Variants in ZNF570 observed in about 807,000 individuals in gnomAD.
ZNF570 encodes the protein zinc finger protein 570.
A neutral mutation model predicts 14.2 loss-of-function variants in ZNF570; 8 were observed. The observed-to-expected ratio is 0.56, with a 90% CI of 0.33 to 1.02. The LOEUF is 1.02. Ranked by LOEUF, ZNF570 falls within the 50% of genes least tolerant of loss-of-function variation. The pLI, the probability that ZNF570 is intolerant of heterozygous loss-of-function variation, is 0.03. For missense variants in ZNF570, 559 were observed against 624.9 expected (o/e 0.89, Z 1.12); for synonymous variants, 202 against 207.6 (o/e 0.97, Z 0.23).
At chr19:37,470,128 G>A (rs1293545702) in intron 1 of ZNF570, 176 bp from the exon 2 acceptor site, 7 of 549,488 alleles carry the variant, frequency 1.3e-5, no homozygotes, top group African/African-American at 3.8e-5. Context: ...AAGGAATTGG[G>A]AAATGATTTA....
Position 37,483,879 on chromosome 19 carries a change from G to T in ZNF570, c.257G>T (p.Gly86Val). 2.5e-6 allele frequency: 4 copies of T among 1,587,874 alleles called. No individual in the cohort carries two copies. The highest frequency in any genetic ancestry group is 3.4e-6 in the Non-Finnish European group (4 of 1,170,298). ...ATTTTTTCTTATTATTACTTTTCAG[G>T]CTGGGAGCCTATATGTGAGACTGAA... Reference protein sequence around the residue: ...KRELTKGLCSGWEPICETEEL... With the variant: ...KRELTKGLCSVWEPICETEEL... The change falls in exon 5 of 5, where the codon GGC (glycine) becomes GTC (valine). Residue 86 changes from glycine to valine, a missense_variant and splice_region_variant. By Grantham distance (109) the Gly-to-Val change is moderately radical (BLOSUM62 -3). Transcript: ENST00000330173.
chr19:37,469,386 C>G lies in ZNF570; in HGVS notation c.-223C>G. 1 of 1,483,046 alleles carries G rather than the reference C, an allele frequency of 6.7e-7. No homozygotes were observed. Among genetic ancestry groups the G allele is most frequent in the Non-Finnish European group, 9.0e-7 (1 of 1,114,206 alleles). 91.9% of individuals were successfully genotyped at this position (1,483,046 alleles called of 1,614,324 possible). A position where few individuals can be genotyped will look rare whatever the true frequency, so the allele number is the denominator to read the frequency against. ...TTTCCGGGCCCGTAAGGGCTGGGTTCCATCCAACTAAGGGTAGCGGTGAGA... is the reference window on the plus strand; with the variant it reads ...TTTCCGGGCCCGTAAGGGCTGGGTTGCATCCAACTAAGGGTAGCGGTGAGA... On this transcript the variant is annotated 5_prime_UTR_variant, in exon 1 of 5. Transcript: ENST00000330173.
At chr19:37,471,220 A>G (rs868658634) in intron 2 of ZNF570, among the ~76,000 whole-genome samples, 19 of 150,156 alleles carry the variant, frequency 1.3e-4, no homozygotes, top group Middle Eastern at 3.5e-3. Context: ...TCACCATGTT[A>G]GCCAGGATGG....
intron 2 of ZNF570, among the ~76,000 whole-genome samples, chr19:37,471,009 A>AATTTTTTTTTTT (rs2041952229): frequency 1.2e-5 from 1 of 84,372 alleles, no homozygotes; most frequent in African/African-American, 5.8e-5. Flanking sequence ...CAGTGAGTAC[A>AATTTTTTTTTTT]TTTTTTTTTT....
upstream of ZNF570, chr19:37,469,247 C>A (rs1472243749): frequency 7.2e-7 from 1 of 1,382,238 alleles, no homozygotes; most frequent in African/African-American, 1.5e-5. Context: ...TGCTGCCAGA[C>A]ACTGCGACGC....
upstream of ZNF570, chr19:37,467,937 C>T (rs375093365): frequency 1.3e-6 from 2 of 1,536,084 alleles, no homozygotes. Flanking sequence ...GTGAGTGTGA[C>T]AGTGTTATTG....
chr19:37,480,932 G>C (rs574752878), intron 4 of ZNF570, among the ~76,000 whole-genome samples: 62 of 151,786 alleles, frequency 4.1e-4, no homozygotes, highest in African/African-American at 1.4e-3. Flanking sequence ...CTAGGTGACA[G>C]AGCAAGGCTC....
intron 4 of ZNF570, among the ~76,000 whole-genome samples, chr19:37,480,903 C>T (rs2042080031): frequency 1.3e-5 from 2 of 151,606 alleles, no homozygotes; most frequent in African/African-American, 4.8e-5. Context: ...GAGCTGAGAA[C>T]GTGCCACTGC....
Position 37,483,969 on chromosome 19 carries a change from C to G in ZNF570, c.347C>G (p.Thr116Arg). The change falls in exon 5 of 5, where the codon ACA (threonine) becomes AGA (arginine). Residue 116 changes from threonine (T) to arginine (R), a missense_variant. Transcript: ENST00000330173. ...TCCCAGAAGATAATAGAAACACTTA[C>G]AAGCTATAACCTTGAATACTCCAGT... The part of the protein sequence containing the change: ...HQSQKIIETL[T>R]SYNLEYSSLR... 6 of 1,613,922 alleles carry G rather than the reference C, an allele frequency of 3.7e-6. No individual in the cohort carries two copies. Among genetic ancestry groups the G allele is most frequent in the Non-Finnish European group, 5.1e-6 (6 of 1,179,998 alleles).
intron 4 of ZNF570, 183 bp downstream of exon 4, chr19:37,476,617 C>A: frequency 1.2e-6 from 1 of 810,890 alleles, no homozygotes; most frequent in Non-Finnish European, 1.7e-6. Flanking sequence ...CCTTCTCTTA[C>A]TTTCCTATCT....
intron 4 of ZNF570, among the ~76,000 whole-genome samples, chr19:37,481,639 G>C (rs2042089381): frequency 6.6e-6 from 1 of 152,138 alleles, no homozygotes; most frequent in Admixed American, 6.5e-5. Context: ...AGCTGCTGTA[G>C]TTGGGATTTA....
chr19:37,470,380 T>C lies in ZNF570; in HGVS notation c.26T>C (p.Met9Thr). The change falls in exon 2 of 5, where the codon ATG becomes ACG. Residue 9 changes from methionine (M) to threonine (T), a missense_variant. Met to Thr is a moderately conservative substitution (Grantham distance 81). Coordinates refer to ENST00000330173, the MANE Select transcript of ZNF570 (RefSeq NM_144694.5). MAVGLLKA[M>T]YQELVTFRDV... ...ATGGCTGTTGGGCTTCTTAAAGCCATGTACCAGGTGTGTTGGTGTTTTCTC... is the reference window on the plus strand; with the variant it reads ...ATGGCTGTTGGGCTTCTTAAAGCCACGTACCAGGTGTGTTGGTGTTTTCTC... 1 of 1,613,984 alleles carries C rather than the reference T, an allele frequency of 6.2e-7. No homozygotes were observed. Among genetic ancestry groups the C allele is most frequent in the Non-Finnish European group, 8.5e-7 (1 of 1,179,858 alleles).
chr19:37,473,034 G>C lies in ZNF570; in HGVS notation c.33+2647G>C, dbSNP rs113389297. Among the ~76,000 whole-genome samples, 451 of 151,526 alleles carry C rather than the reference G, an allele frequency of 3.0e-3. 4 individuals carry two copies. The highest frequency in any genetic ancestry group is 0.011 in the African/African-American group (434 of 41,294). ...TGCAGGTGGAAGTGTAGATGTGGTG[G>C]GAGTTTGTGGGAATTATCTTTCAAT... On this transcript the variant is annotated intron_variant, in intron 2 of 4. Coordinates refer to ENST00000330173, the MANE Select transcript of ZNF570 (RefSeq NM_144694.5).
chr19:37,483,458 A>T (rs997375828), intron 4 of ZNF570, among the ~76,000 whole-genome samples: 3 of 152,234 alleles, frequency 2.0e-5, no homozygotes, highest in Non-Finnish European at 4.4e-5. Context: ...TTCTAAGAAA[A>T]TAACATCCCT....
Position 37,475,879 on chromosome 19 carries a change from A to C in ZNF570, c.34-2A>C. On this transcript the variant is annotated splice_acceptor_variant, in intron 2 of 4. Coordinates refer to ENST00000330173, the MANE Select transcript of ZNF570 (RefSeq NM_144694.5). LOFTEE classifies it high-confidence loss of function. ...AAGGTTCTTCCATTTATTTCATTTC[A>C]GGAGTTGGTGACCTTCAGAGATGTG... 6.2e-7 allele frequency: 1 copy of C among 1,609,108 alleles called. No individual in the cohort carries two copies.
rs2042023846 is a variant in ZNF570, at chr19:37,476,370, A to G, written c.192A>G (p.Leu64=). 2 of 1,613,748 alleles carry G rather than the reference A, an allele frequency of 1.2e-6. No homozygotes were observed. The highest frequency in any genetic ancestry group is 2.7e-5 in the African/African-American group (2 of 74,820). ...GLCFSKPSVI[L]LLEQGKAPWM... ...GCTTTTCCAAACCAAGTGTGATATT[A>G]TTGTTGGAACAAGGAAAAGCACCCT... The change falls in exon 4 of 5, where the codon TTA becomes TTG. Residue 64 remains leucine (L), a synonymous_variant. Coordinates refer to ENST00000330173, the MANE Select transcript of ZNF570 (RefSeq NM_144694.5).
chr19:37,475,723 C>T (rs2042015816), intron 2 of ZNF570, among the ~76,000 whole-genome samples, 158 bp from the exon 3 acceptor site: 1 of 152,076 alleles, frequency 6.6e-6, no homozygotes, highest in African/African-American at 2.4e-5. Context: ...CTATTTTATA[C>T]TGGAATAATC....
intron 4 of ZNF570, among the ~76,000 whole-genome samples, chr19:37,481,164 T>G (rs564360646): frequency 1.3e-5 from 2 of 152,166 alleles, no homozygotes; most frequent in East Asian, 3.9e-4. Context: ...CAGATTTTTT[T>G]TTTTTTTGAG....
intron 4 of ZNF570, among the ~76,000 whole-genome samples, chr19:37,483,575 G>A (rs941747268): frequency 2.0e-5 from 3 of 152,152 alleles, no homozygotes; most frequent in Admixed American, 1.3e-4. Context: ...CTAAAAGAAT[G>A]GAGACTGTTT....
Sources: gnomAD v4.1 joint callset for allele counts (sites outside exome capture counted in the v4.1 genomes callset) on GRCh38, gnomAD v4.1.1 for gene constraint, MANE v1.5 for transcripts, NCBI Gene and HGNC (gene_info 2026-07-23, HGNC 2026-07-21) for gene names.